The following PRKG1 variants were observed in gnomAD, a reference collection of about 807,000 sequenced individuals.
PRKG1 encodes the protein cGMP-dependent protein kinase 1.
In PRKG1, 35 loss-of-function variants were observed where a neutral mutation model predicts 88.1. That is an observed-to-expected ratio of 0.40 (90% confidence interval 0.30 to 0.53). PRKG1 has a LOEUF of 0.53. Among genes scored for constraint, PRKG1 ranks in the 20% least tolerant of loss-of-function variants. The pLI is 0.59. For synonymous variants in PRKG1, 303 were observed against 292.5 expected, an observed-to-expected ratio of 1.04 and a Z score of -0.37; for missense variants, 540 against 839.8, an observed-to-expected ratio of 0.64 and a Z score of 4.41.
chr10:51,212,197 G>C (rs1335211839), intron 2 of PRKG1, among the ~76,000 whole-genome samples: 2 of 151,358 alleles, frequency 1.3e-5, no homozygotes, highest in Admixed American at 6.6e-5. Flanking sequence ...ACAAACCTGA[G>C]AAAAACAAGC....
intron 3 of PRKG1, among the ~76,000 whole-genome samples, chr10:51,746,256 C>G (rs1452282096): frequency 1.3e-5 from 2 of 151,838 alleles, no homozygotes; most frequent in African/African-American, 2.4e-5. Flanking sequence ...AACAAGCAAC[C>G]TGTGTAGATG....
intron 2 of PRKG1, among the ~76,000 whole-genome samples, chr10:51,392,105 G>A (rs556142138): frequency 2.2e-4 from 34 of 151,840 alleles, no homozygotes; most frequent in South Asian, 1.3e-3. Context: ...TAAATTCTTG[G>A]GTTCTATGAA....
At chr10:50,994,504 G>A (rs1174931646) in intron 1 of PRKG1, among the ~76,000 whole-genome samples, 1 of 141,358 alleles carries the variant, frequency 7.1e-6, no homozygotes, top group Non-Finnish European at 1.5e-5. Flanking sequence ...TCCGCCTCCC[G>A]CGTTCACGCC....
At chr10:52,055,754 G>T (rs1299652869) in intron 6 of PRKG1, among the ~76,000 whole-genome samples, 2 of 152,082 alleles carry the variant, frequency 1.3e-5, no homozygotes, top group Non-Finnish European at 2.9e-5. Context: ...GAATTGATAG[G>T]CCAGTTTCCG....
chr10:52,274,496 C>A (rs1216591532), intron 12 of PRKG1, among the ~76,000 whole-genome samples: 3 of 147,718 alleles, frequency 2.0e-5, no homozygotes, highest in African/African-American at 7.5e-5. Context: ...CATATATATA[C>A]ATATATATAT....
chr10:51,069,579 C>T (rs777765013), upstream of PRKG1, among the ~76,000 whole-genome samples: 1 of 151,958 alleles, frequency 6.6e-6, no homozygotes, highest in African/African-American at 2.4e-5. Flanking sequence ...AAGACAGTTC[C>T]GGTTGTGCAT....
chr10:52,118,609 T>C (rs926808680), intron 7 of PRKG1, among the ~76,000 whole-genome samples: 1 of 152,088 alleles, frequency 6.6e-6, no homozygotes, highest in Non-Finnish European at 1.5e-5. Flanking sequence ...TTGCTTTTTT[T>C]CCCTAAATTA....
intron 3 of PRKG1, among the ~76,000 whole-genome samples, chr10:51,569,601 A>T (rs1267162836): frequency 6.6e-6 from 1 of 152,006 alleles, no homozygotes; most frequent in Non-Finnish European, 1.5e-5. Flanking sequence ...GCTGTTATTT[A>T]CAGAGAAGAA....
chr10:52,262,977 G>T (rs563144039), intron 10 of PRKG1, among the ~76,000 whole-genome samples: 2 of 152,094 alleles, frequency 1.3e-5, no homozygotes, highest in Non-Finnish European at 2.9e-5. Context: ...TTCAATCCTT[G>T]GTTGTTTGAA....
intron 5 of PRKG1, among the ~76,000 whole-genome samples, chr10:51,957,770 A>C (rs1843349433): frequency 6.6e-6 from 1 of 152,170 alleles, no homozygotes; most frequent in Non-Finnish European, 1.5e-5. Flanking sequence ...AGCTAGTAAA[A>C]AACATTTCTT....
intron 1 of PRKG1, chr10:51,148,385 C>A: frequency 2.2e-6 from 1 of 456,520 alleles, no homozygotes; most frequent in Non-Finnish European, 2.9e-6. Context: ...AAGATTTGTG[C>A]TACATTTTCA....
At chr10:51,032,835 AT>A (rs533680781) in intron 1 of PRKG1, among the ~76,000 whole-genome samples, 160 of 152,040 alleles carry the variant, frequency 1.1e-3, no homozygotes, top group South Asian at 3.5e-3. Flanking sequence ...TCTTATTGAA[AT>A]TTTTTTTAAT....
intron 3 of PRKG1, among the ~76,000 whole-genome samples, chr10:51,681,051 T>A (rs1027412621): frequency 2.6e-5 from 4 of 152,222 alleles, no homozygotes; most frequent in African/African-American, 9.7e-5. Context: ...TACAAATCAG[T>A]GATGACATTA....
At chr10:51,848,305 A>G (rs899213083) in intron 4 of PRKG1, among the ~76,000 whole-genome samples, 1 of 152,242 alleles carries the variant, frequency 6.6e-6, no homozygotes, top group Non-Finnish European at 1.5e-5. Context: ...TTTAGATGTA[A>G]CATGGAGAAA....
In PRKG1 at chr10:51,566,479, C is replaced by A. The variant is rs574722344; in HGVS notation, c.592+98643C>A. Among the ~76,000 whole-genome samples the A allele has an allele frequency of 4.7e-4, 71 of 152,160 alleles. No individual in the cohort carries two copies. In the South Asian group the frequency reaches 0.015, roughly 31 times the overall value. On this transcript the variant is annotated intron_variant, in intron 3 of 17. Coordinates refer to ENST00000373980, the MANE Select transcript of PRKG1 (RefSeq NM_006258.4). ...GTTGAGAACCAGTGGGCAAAATTTA[C>A]AAAATCAATTGATGTAATGGAACTA...
At chr10:51,212,051 C>T (rs889264059) in intron 2 of PRKG1, among the ~76,000 whole-genome samples, 3 of 152,136 alleles carry the variant, frequency 2.0e-5, no homozygotes, top group African/African-American at 7.2e-5. Context: ...CATCACACTA[C>T]CTGACTTCAA....
intron 2 of PRKG1, among the ~76,000 whole-genome samples, chr10:51,228,964 G>C (rs1359690790): frequency 6.6e-6 from 1 of 152,108 alleles, no homozygotes; most frequent in East Asian, 1.9e-4. Flanking sequence ...TATGCAGACT[G>C]TTCCTTTACC....
intron 5 of PRKG1, among the ~76,000 whole-genome samples, chr10:52,002,276 G>T (rs1023160628): frequency 1.1e-4 from 16 of 151,954 alleles, no homozygotes; most frequent in African/African-American, 3.6e-4. Context: ...GCACATTTCT[G>T]GTTTTGACAA....
chr10:52,284,653 A>G (rs1026310983), intron 14 of PRKG1, among the ~76,000 whole-genome samples: 1 of 152,118 alleles, frequency 6.6e-6, no homozygotes, highest in African/African-American at 2.4e-5. Flanking sequence ...TTGGTCCTGA[A>G]TGTCATATCT....
Sources: gnomAD v4.1 joint callset for allele counts (sites outside exome capture counted in the v4.1 genomes callset) on GRCh38, gnomAD v4.1.1 for gene constraint, MANE v1.5 for transcripts, NCBI Gene and HGNC (gene_info 2026-07-23, HGNC 2026-07-21) for gene names.